SMYD1: variants seen among roughly 807,000 people sequenced by gnomAD.
SMYD1 encodes histone-lysine N-methyltransferase SMYD1.
A neutral mutation model predicts 54.0 loss-of-function variants in SMYD1; 49 were observed. The ratio of observed to expected loss-of-function variants is 0.91; its 90% confidence interval spans 0.72 to 1.15. The LOEUF is 1.15. Among genes scored for constraint, SMYD1 ranks in the 50% most tolerant of loss-of-function variants. The probability of loss-of-function intolerance (pLI) is 0.00; values close to 1 mark genes in which losing one functional copy is unlikely to be tolerated. For missense variants in SMYD1, 653 were observed against 639.6 expected, an observed-to-expected ratio of 1.02 and a Z score of -0.23; for synonymous variants, 269 against 234.2, an observed-to-expected ratio of 1.15 and a Z score of -1.36.
At chr2:88,072,845 T>G (rs1673979350) in intron 1 of SMYD1, among the ~76,000 whole-genome samples, 1 of 152,266 alleles carries the variant, frequency 6.6e-6, no homozygotes, top group African/African-American at 2.4e-5. Context: ...TACACCATTT[T>G]AATGGCTGCA....
intron 1 of SMYD1, 139 bp downstream of exon 1, chr2:88,068,140 C>G: frequency 8.2e-7 from 1 of 1,218,768 alleles, no homozygotes; most frequent in Non-Finnish European, 1.1e-6. Context: ...CTTCTGAGAG[C>G]TAATTTTTCT....
At chr2:88,106,173 T>G in intron 7 of SMYD1, 152 bp from the exon 8 acceptor site, 1 of 1,014,530 alleles carries the variant, frequency 9.9e-7, no homozygotes, top group Non-Finnish European at 1.4e-6. Flanking sequence ...ACTTTGCAAT[T>G]CATACCCCAA....
Position 88,106,331 on chromosome 2 carries a change from A to G in SMYD1, c.988A>G (p.Lys330Glu). The G allele has an allele frequency of 6.2e-7, 1 of 1,614,090 alleles. No homozygotes were observed. The highest frequency in any genetic ancestry group is 8.5e-7 in the Non-Finnish European group (1 of 1,180,006). Reference protein sequence around the residue: ...RSEGLYHEVVKLCRECLEKQE... With the variant: ...RSEGLYHEVVELCRECLEKQE... Reference sequence around the variant, plus strand: ...GGCCTCTGTCTCACTCTAGGTTGTGAAATTATGCCGGGAGTGCCTGGAGAA... The same window carrying G: ...GGCCTCTGTCTCACTCTAGGTTGTGGAATTATGCCGGGAGTGCCTGGAGAA... The change falls in exon 8 of 10, where the codon AAA becomes GAA. Residue 330 changes from lysine (K) to glutamate (E), a missense_variant. Transcript: ENST00000419482.
Position 88,103,101 on chromosome 2 carries a change from A to T in SMYD1, c.932A>T (p.Asp311Val), listed in dbSNP as rs762117306. ...VVKEMIQFSK[D>V]TLEKIDKARS... ...AAGGAGATGATACAATTCTCCAAGG[A>T]TACATTGGAAAAGATAGACAAGGCT... is the stretch of plus-strand genomic sequence containing the variant. The change falls in exon 7 of 10, where the codon GAT becomes GTT. Residue 311 changes from aspartate (D) to valine (V), a missense_variant. Transcript: ENST00000419482. 26 of 1,614,020 alleles carry T rather than the reference A, an allele frequency of 1.6e-5. No individual in the cohort carries two copies. The highest frequency in any genetic ancestry group is 2.1e-5 in the Non-Finnish European group (25 of 1,180,010).
chr2:88,089,601 T>TTC (rs1674418712), intron 3 of SMYD1, among the ~76,000 whole-genome samples: 1 of 146,970 alleles, frequency 6.8e-6, no homozygotes, highest in South Asian at 2.3e-4. Flanking sequence ...TTTTTTTTTT[T>TTC]TTTTTTTTGA....
At chr2:88,100,236 G>A (rs1336685238) in intron 6 of SMYD1, among the ~76,000 whole-genome samples, 1 of 152,118 alleles carries the variant, frequency 6.6e-6, no homozygotes, top group African/African-American at 2.4e-5. Flanking sequence ...ATCACATGTT[G>A]CACTTATTAA....
intron 2 of SMYD1, among the ~76,000 whole-genome samples, chr2:88,085,361 C>T (rs947314879): frequency 1.3e-5 from 2 of 152,114 alleles, no homozygotes; most frequent in Non-Finnish European, 2.9e-5. Flanking sequence ...CAAGAGATTC[C>T]CAATCCTGGA....
rs990605384 is a variant in SMYD1 at position 88,084,375 on chromosome 2, G to A, written c.197G>A (p.Gly66Glu). 2 of 1,604,014 alleles carry A rather than the reference G, an allele frequency of 1.2e-6. No homozygotes were observed. The highest frequency in any genetic ancestry group is 3.3e-5 in the Admixed American group (2 of 59,882). Residue 66 changes from glycine to glutamate, a missense_variant, in exon 2 of 10, where the codon GGG becomes GAG. Physicochemically the swap from Gly to Glu is moderately conservative, Grantham distance 98. Coordinates refer to ENST00000419482, the MANE Select transcript of SMYD1 (RefSeq NM_198274.4). ...FKRQEKLHRC[G>E]QCKFAHYCDR... ...AGGCAGGAGAAGCTCCATCGCTGTGGGCAGTGCAAGTTTGCCCATTACTGC... is the reference window on the plus strand; with the variant it reads ...AGGCAGGAGAAGCTCCATCGCTGTGAGCAGTGCAAGTTTGCCCATTACTGC...
intron 2 of SMYD1, among the ~76,000 whole-genome samples, chr2:88,086,307 C>T (rs1379572432): frequency 1.3e-5 from 2 of 152,154 alleles, no homozygotes; most frequent in Admixed American, 6.5e-5. Context: ...CTGTGCTTTG[C>T]CCAGCAGATC....
intron 2 of SMYD1, among the ~76,000 whole-genome samples, chr2:88,085,576 C>A (rs757049375): frequency 6.6e-6 from 1 of 152,200 alleles, no homozygotes; most frequent in South Asian, 2.1e-4. Context: ...CCTCTCCATG[C>A]CCCTTAGCTC....
At chr2:88,109,093 A>C (rs1263699031) in intron 9 of SMYD1, among the ~76,000 whole-genome samples, 2 of 152,230 alleles carry the variant, frequency 1.3e-5, no homozygotes, top group Non-Finnish European at 1.5e-5. Flanking sequence ...ACAGATATCC[A>C]AACCATATCA....
intron 1 of SMYD1, among the ~76,000 whole-genome samples, chr2:88,075,576 T>C (rs1674044198): frequency 1.4e-5 from 2 of 138,052 alleles, no homozygotes; most frequent in South Asian, 4.7e-4. Context: ...CTCACTCTGT[T>C]GGTCAAGCTG....
chr2:88,105,213 G>T lies in SMYD1; in HGVS notation c.982-1112G>T, dbSNP rs78667870. ...TGCGGCTCAACTGCTTGGTTTCAGT[G>T]CTTGATCCATTGCTCACCATCTGTG... On this transcript the variant is annotated intron_variant, in intron 7 of 9. Transcript: ENST00000419482. Among the ~76,000 whole-genome samples the T allele has an allele frequency of 2.2e-3, 342 of 152,282 alleles. 2 individuals are homozygous for T. The highest frequency in any genetic ancestry group is 7.9e-3 in the African/African-American group (327 of 41,536).
In SMYD1 at chr2:88,093,549, A is replaced by T. The variant is rs774122613; in HGVS notation, c.692A>T (p.Gln231Leu). 21 of 1,614,046 alleles carry T rather than the reference A, an allele frequency of 1.3e-5. No individual in the cohort carries two copies. Among genetic ancestry groups the T allele is most frequent in the Non-Finnish European group, 1.7e-5 (20 of 1,180,038 alleles). The change falls in exon 5 of 10, where the codon CAG becomes CTG. Residue 231 changes from glutamine to leucine, a missense_variant. Transcript: ENST00000419482. ...HEAVKSMFHT[Q>L]MRIELRALGK... The stretch of plus-strand genomic sequence containing the variant: ...GCAGTGAAATCCATGTTTCATACCC[A>T]GATGAGGTGGGTCAGTCCTTTCAAG...
intron 3 of SMYD1, among the ~76,000 whole-genome samples, chr2:88,089,389 C>T (rs957773405): frequency 1.3e-5 from 2 of 152,144 alleles, no homozygotes; most frequent in Non-Finnish European, 2.9e-5. Flanking sequence ...CAAAATTAAC[C>T]ACCACAGCTT....
rs1288895208 is a variant in SMYD1, at chr2:88,088,022, C to CA, written c.475_476insA (p.Pro159HisfsTer20). On this transcript the variant is annotated frameshift_variant, in exon 3 of 10. Coordinates refer to ENST00000419482, the MANE Select transcript of SMYD1 (RefSeq NM_198274.4). LOFTEE classifies it high-confidence loss of function. ...CGTGGACACATTCTTGCAGTACTGG[C>CA]CGCCGCAGAGCCAGCAGTTCAGCAT... The CA allele has an allele frequency of 1.2e-6, 2 of 1,614,026 alleles. No individual in the cohort carries two copies. The highest frequency in any genetic ancestry group is 2.7e-5 in the African/African-American group (2 of 74,916).
intron 1 of SMYD1, among the ~76,000 whole-genome samples, chr2:88,073,708 C>T (rs1673996830): frequency 6.6e-6 from 1 of 152,192 alleles, no homozygotes; most frequent in Non-Finnish European, 1.5e-5. Context: ...CTACTAGCAG[C>T]ACAGGGGTTG....
Position 88,113,094 on chromosome 2 carries a change from G to C in SMYD1, c.*2582G>C, listed in dbSNP as rs1190204461. The C allele has an allele frequency of 6.6e-6, 1 of 152,110 alleles. No homozygotes were observed. Among genetic ancestry groups the C allele is most frequent in the Non-Finnish European group, 1.5e-5 (1 of 68,032 alleles). The allele number at this position is 152,110 out of a possible 1,614,324, so 9.4% of individuals were successfully genotyped here. A position where few individuals can be genotyped will look rare whatever the true frequency, so the allele number is the denominator to read the frequency against. ...TTCTCTTTCCTGTCTCCTCTCCTCT[G>C]ATCTGTTCTTTCTTGGAACACCACC... On this transcript the variant is annotated 3_prime_UTR_variant, in exon 10 of 10. Coordinates refer to ENST00000419482, the MANE Select transcript of SMYD1 (RefSeq NM_198274.4).
chr2:88,081,996 A>G (rs1366940589), intron 1 of SMYD1, among the ~76,000 whole-genome samples: 2 of 152,128 alleles, frequency 1.3e-5, no homozygotes, highest in African/African-American at 4.8e-5. Flanking sequence ...AGAAAATGCA[A>G]TCCTGACTTG....
Sources: gnomAD v4.1 joint callset for allele counts (sites outside exome capture counted in the v4.1 genomes callset) on GRCh38, gnomAD v4.1.1 for gene constraint, MANE v1.5 for transcripts, NCBI Gene and HGNC (gene_info 2026-07-23, HGNC 2026-07-21) for gene names.